Variants in RAB3GAP2 observed in about 807,000 individuals in gnomAD.
RAB3GAP2 encodes the protein rab3 GTPase-activating protein non-catalytic subunit.
In RAB3GAP2, 87 loss-of-function variants were observed where a neutral mutation model predicts 185.3. The ratio of observed to expected loss-of-function variants is 0.47; its 90% CI spans 0.39 to 0.56. RAB3GAP2 has a LOEUF of 0.56. Among genes scored for constraint, RAB3GAP2 ranks in the 20% least tolerant of loss-of-function variants. The pLI, the probability that RAB3GAP2 is intolerant of heterozygous loss-of-function variation, is 0.00. For synonymous variants in RAB3GAP2, 554 were observed against 576.1 expected (o/e 0.96, Z 0.55); for missense variants, 1,492 against 1,638.2 (o/e 0.91, Z 1.54).
Position 220,205,982 on chromosome 1 carries a change from G to T in RAB3GAP2, c.637C>A (p.Pro213Thr). The change falls in exon 8 of 35, where the codon CCA (proline) becomes ACA (threonine). Residue 213 changes from proline (P) to threonine (T), a missense_variant. This residue lies in a region of RAB3GAP2 where 243 missense variants were observed against 314.8 expected (regional missense o/e 0.77). Transcript: ENST00000358951. Reference protein sequence around the residue: ...EQNEELSILYPAAIVTIDGFS... With the variant: ...EQNEELSILYTAAIVTIDGFS... ...CCATCAATAGTCACAATGGCAGCTG[G>T]ATATAAGATACTCAACTCTTCATTC... The T allele has an allele frequency of 6.2e-7, 1 of 1,606,896 alleles. No homozygotes were observed. The highest frequency in any genetic ancestry group is 8.5e-7 in the Non-Finnish European group (1 of 1,174,310).
At position 220,170,969 on chromosome 1, in the gene RAB3GAP2, T is replaced by C. The variant is rs1490180159; in HGVS notation, c.2729A>G (p.Gln910Arg). Reference protein sequence around the residue: ...QTLLHSKGNTQTSKVSSLQAE... With the variant: ...QTLLHSKGNTRTSKVSSLQAE... ...CTGCAGTGATGACACTTTGGAGGTC[T>C]GAGTGTTCCCTTTGCTGTGAAGCAG... The change falls in exon 24 of 35, where the codon CAG becomes CGG. Residue 910 changes from glutamine (Q) to arginine (R), a missense_variant. This residue lies in a region of RAB3GAP2 where 681 missense variants were observed against 689.1 expected (regional missense o/e 0.99). Coordinates refer to ENST00000358951, the MANE Select transcript of RAB3GAP2 (RefSeq NM_012414.4). 2 of 1,614,212 alleles carry C rather than the reference T, an allele frequency of 1.2e-6. No homozygotes were observed. The highest frequency in any genetic ancestry group is 2.2e-5 in the South Asian group (2 of 91,088).
chr1:220,270,781 T>C (rs972875460), intron 1 of RAB3GAP2, among the ~76,000 whole-genome samples: 6 of 152,326 alleles, frequency 3.9e-5, no homozygotes, highest in East Asian at 3.9e-4. Context: ...CTTCAACAAA[T>C]GTTGTTGATT....
rs1466621181 is a variant in RAB3GAP2, at chr1:220,151,254, TAAAG to T, written c.4175_4178del (p.Ser1392TyrfsTer10). 2 of 1,613,672 alleles carry T rather than the reference TAAAG, an allele frequency of 1.2e-6. No individual in the cohort carries two copies. The highest frequency in any genetic ancestry group is 2.2e-5 in the East Asian group (1 of 44,858). ...GACTATTTCCAGTAGGTAAGTGTCATAAAGAAGGAAGAGATATGGCTTCCACAGC... is the reference window on the plus strand; with the variant it reads ...GACTATTTCCAGTAGGTAAGTGTCATAAGGAAGAGATATGGCTTCCACAGC... On this transcript the variant is annotated frameshift_variant, in exon 35 of 35. Transcript: ENST00000358951. LOFTEE classifies it high-confidence loss of function.
rs745868602 is a variant in RAB3GAP2 at position 220,153,404 on chromosome 1, G to A, written c.3648C>T (p.Phe1216=). The A allele has an allele frequency of 1.2e-5, 20 of 1,613,176 alleles. No homozygotes were observed. Among genetic ancestry groups the A allele is most frequent in the East Asian group, 1.1e-4 (5 of 44,880 alleles). ...DPNFISVRQQ[F]LLKVVSAAVQ... ...CAGCTGCACTGACAACTTTCAATAAGAACTTGAAAATGGAGAAAGAGATAG... is the reference window on the plus strand; with the variant it reads ...CAGCTGCACTGACAACTTTCAATAAAAACTTGAAAATGGAGAAAGAGATAG... Residue 1216 remains phenylalanine, a splice_region_variant and synonymous_variant, in exon 33 of 35, where the codon TTC becomes TTT. Transcript: ENST00000358951.
At chr1:220,216,180 A>G (rs1015070018) in intron 2 of RAB3GAP2, among the ~76,000 whole-genome samples, 6 of 152,168 alleles carry the variant, frequency 3.9e-5, no homozygotes, top group Non-Finnish European at 4.4e-5. Flanking sequence ...CAGATTTGGA[A>G]CTTTTTTCTC....
rs1048780530 is a variant in RAB3GAP2 at position 220,177,725 on chromosome 1, C to T, written c.2310+4532G>A. Among the ~76,000 whole-genome samples the T allele has an allele frequency of 1.3e-4, 19 of 151,980 alleles. No homozygotes were observed. In the East Asian group the frequency reaches 3.3e-3, roughly 26 times the overall value. ...AAACAGAAGAAAGAATCAGTGAATT[C>T]GTTGATAGACTATTTAAAAATACAT... On this transcript the variant is annotated intron_variant, in intron 21 of 34. Coordinates refer to ENST00000358951, the MANE Select transcript of RAB3GAP2 (RefSeq NM_012414.4).
intron 1 of RAB3GAP2, among the ~76,000 whole-genome samples, chr1:220,242,305 C>T (rs1659710481): frequency 1.3e-5 from 2 of 152,122 alleles, no homozygotes; most frequent in Admixed American, 6.5e-5. Flanking sequence ...ACACAATAGA[C>T]ATTTGTTCGT....
chr1:220,214,076 A>G (rs1213215446), intron 2 of RAB3GAP2, 97 bp from the exon 3 acceptor site: 47 of 1,197,064 alleles, frequency 3.9e-5, no homozygotes, highest in Admixed American at 7.7e-5. Context: ...GAAAAAAAAG[A>G]AAAGGAAATA....
chr1:220,201,500 T>C (rs886321231), intron 9 of RAB3GAP2, among the ~76,000 whole-genome samples: 15 of 152,104 alleles, frequency 9.9e-5, no homozygotes, highest in African/African-American at 3.1e-4. Context: ...TTTCTTTTTG[T>C]TTTTGTTTTG....
At chr1:220,211,548 C>T (rs769970310) in intron 4 of RAB3GAP2, among the ~76,000 whole-genome samples, 3 of 152,198 alleles carry the variant, frequency 2.0e-5, no homozygotes, top group Non-Finnish European at 2.9e-5. Flanking sequence ...CTCTGATCAT[C>T]TATTTCTAAG....
chr1:220,214,499 T>C (rs1447720761), intron 2 of RAB3GAP2, among the ~76,000 whole-genome samples: 1 of 151,422 alleles, frequency 6.6e-6, no homozygotes, highest in Non-Finnish European at 1.5e-5. Context: ...ACAATCCAGC[T>C]TGGGCGACAG....
intron 9 of RAB3GAP2, among the ~76,000 whole-genome samples, chr1:220,199,870 A>G (rs1288503495): frequency 2.0e-5 from 3 of 152,028 alleles, no homozygotes; most frequent in Non-Finnish European, 4.4e-5. Context: ...CTCCACCATA[A>G]AGCCATCATT....
chr1:220,259,592 C>A (rs1007076615), intron 1 of RAB3GAP2, among the ~76,000 whole-genome samples: 8 of 151,904 alleles, frequency 5.3e-5, no homozygotes, highest in Non-Finnish European at 1.0e-4. Flanking sequence ...AAAATTTAAC[C>A]CAAGATGGAT....
At chr1:220,264,298 A>C (rs1365881379) in intron 1 of RAB3GAP2, among the ~76,000 whole-genome samples, 2 of 152,118 alleles carry the variant, frequency 1.3e-5, no homozygotes, top group Non-Finnish European at 2.9e-5. Flanking sequence ...AAAACAACAT[A>C]AATATATCAT....
chr1:220,260,366 T>C (rs942364006), intron 1 of RAB3GAP2, among the ~76,000 whole-genome samples: 4 of 152,134 alleles, frequency 2.6e-5, no homozygotes, highest in African/African-American at 9.7e-5. Flanking sequence ...AATGATAGAC[T>C]GGATAAGGAA....
chr1:220,194,570 T>G (rs925627857), intron 12 of RAB3GAP2, among the ~76,000 whole-genome samples: 1 of 152,180 alleles, frequency 6.6e-6, no homozygotes, highest in Non-Finnish European at 1.5e-5. Context: ...TTTTTGTATT[T>G]TTAGTAGAGA....
chr1:220,268,739 C>T (rs995173791), intron 1 of RAB3GAP2, among the ~76,000 whole-genome samples: 2 of 152,104 alleles, frequency 1.3e-5, no homozygotes, highest in Non-Finnish European at 2.9e-5. Context: ...AAGAGAAATA[C>T]ATTAAACCAT....
chr1:220,245,861 CT>C (rs1187624195), intron 1 of RAB3GAP2, among the ~76,000 whole-genome samples: 3 of 152,258 alleles, frequency 2.0e-5, no homozygotes, highest in Admixed American at 6.5e-5. Flanking sequence ...TCCCTGGCCC[CT>C]GACCCCCGAG....
At chr1:220,196,768 T>G (rs890822107) in intron 9 of RAB3GAP2, among the ~76,000 whole-genome samples, 3 of 150,920 alleles carry the variant, frequency 2.0e-5, no homozygotes, top group Non-Finnish European at 3.0e-5. Flanking sequence ...GAGGTGGAGG[T>G]TGCAGTAAGC....
Sources: gnomAD v4.1 joint callset for allele counts (sites outside exome capture counted in the v4.1 genomes callset) on GRCh38, gnomAD v4.1.1 for gene constraint, gnomAD v4.1.1 regional missense constraint, MANE v1.5 for transcripts, NCBI Gene and HGNC (gene_info 2026-07-23, HGNC 2026-07-21) for gene names.